Variants in TRIM65 observed in about 807,000 individuals in gnomAD.
TRIM65 encodes the protein tripartite motif containing 65.
TRIM65 carries 46 observed loss-of-function variants against 36.1 expected under a neutral mutation model. The observed-to-expected ratio is 1.27, with a 90% CI of 1.01 to 1.63. The LOEUF (loss-of-function observed/expected upper bound fraction) is 1.63. Ranked by LOEUF, TRIM65 falls within the 40% of genes most tolerant of loss-of-function variation. The pLI is 0.00. For missense variants in TRIM65, 708 were observed against 696.6 expected, an observed-to-expected ratio of 1.02 and a Z score of -0.18; for synonymous variants, 346 against 313.6, an observed-to-expected ratio of 1.10 and a Z score of -1.09.
intron 1 of TRIM65, among the ~76,000 whole-genome samples, chr17:75,894,154 CTG>C (rs1451014501): frequency 6.6e-6 from 1 of 152,110 alleles, no homozygotes; most frequent in Non-Finnish European, 1.5e-5. Context: ...CCAGCCACCT[CTG>C]TCTCAGTCCT....
intron 1 of TRIM65, among the ~76,000 whole-genome samples, chr17:75,894,841 C>T (rs529365713): frequency 8.5e-4 from 129 of 152,316 alleles, no homozygotes; most frequent in African/African-American, 2.3e-3. Context: ...GGCCAGGCTG[C>T]GGGGGGTCCG....
downstream of TRIM65, among the ~76,000 whole-genome samples, chr17:75,887,088 C>T (rs193300118): frequency 9.5e-4 from 142 of 149,180 alleles, no homozygotes; most frequent in Non-Finnish European, 1.4e-3. Flanking sequence ...CACTTGAGCC[C>T]GGGAGGCAGA....
In TRIM65 at chr17:75,896,930, G is replaced by T; in HGVS notation, c.8C>A (p.Ala3Glu). The T allele has an allele frequency of 6.7e-7, 1 of 1,498,782 alleles. No homozygotes were observed. The allele number at this position is 1,498,782 out of a possible 1,614,324, so 92.8% of individuals were successfully genotyped here. A position where few individuals can be genotyped will look rare whatever the true frequency, so the allele number is the denominator to read the frequency against. The change falls in exon 1 of 6, where the codon GCG becomes GAG. Residue 3 changes from alanine to glutamate, a missense_variant. Coordinates refer to ENST00000269383, the MANE Select transcript of TRIM65 (RefSeq NM_173547.4). MA[A>E]QLLEEKLTCA... ...GGTCAGCTTCTCCTCCAGCAGCTGCGCGGCCATGGCCCGGCGGCGGCGAGA... is the reference window on the plus strand; with the variant it reads ...GGTCAGCTTCTCCTCCAGCAGCTGCTCGGCCATGGCCCGGCGGCGGCGAGA...
chr17:75,890,104 A>C lies in TRIM65; in HGVS notation c.*675T>G, dbSNP rs1259474201. Reference sequence around the variant, plus strand: ...TTCAGAAAACACTGTAATCTGAGCTACTCTGGAGGCTGAGGTGGGAGGATC... The same window carrying C: ...TTCAGAAAACACTGTAATCTGAGCTCCTCTGGAGGCTGAGGTGGGAGGATC... On this transcript the variant is annotated 3_prime_UTR_variant, in exon 6 of 6. Transcript: ENST00000269383. The C allele has an allele frequency of 6.6e-6, 1 of 152,152 alleles. No individual in the cohort carries two copies. Among genetic ancestry groups the C allele is most frequent in the Non-Finnish European group, 1.5e-5 (1 of 68,028 alleles). The allele number at this position is 152,152 out of a possible 1,614,324, so 9.4% of individuals were successfully genotyped here. A position where few individuals can be genotyped will look rare whatever the true frequency, so the allele number is the denominator to read the frequency against.
chr17:75,896,447 G>C, intron 1 of TRIM65, 77 bp downstream of exon 1: 1 of 1,262,460 alleles, frequency 7.9e-7, no homozygotes, highest in Non-Finnish European at 1.0e-6. Context: ...AGAGCAGGGC[G>C]CGGCCCGCAG....
downstream of TRIM65, among the ~76,000 whole-genome samples, chr17:75,887,886 T>C (rs1256440591): frequency 6.6e-6 from 1 of 151,902 alleles, no homozygotes; most frequent in Admixed American, 6.6e-5. Context: ...CCGGGCGTGG[T>C]GGCTCACGCC....
intron 1 of TRIM65, 36 bp downstream of exon 1, chr17:75,896,488 G>C (rs2065348119): frequency 7.7e-7 from 1 of 1,298,878 alleles, no homozygotes. Flanking sequence ...GGCTGCGGCG[G>C]GTCCGGACCC....
Position 75,890,071 on chromosome 17 carries a change from C to T in TRIM65, c.*708G>A, listed in dbSNP as rs2065245060. 1 of 152,168 alleles carries T rather than the reference C, an allele frequency of 6.6e-6. No homozygotes were observed. The highest frequency in any genetic ancestry group is 1.5e-5 in the Non-Finnish European group (1 of 68,034). 9.4% of individuals were successfully genotyped at this position (152,168 alleles called of 1,614,324 possible). On this transcript the variant is annotated 3_prime_UTR_variant, in exon 6 of 6. Transcript: ENST00000269383. Reference sequence around the variant, plus strand: ...CATGTGAAAAATGCTTATGTTAAGTCAGGAAACTTCAGAAAACACTGTAAT... The same window carrying T: ...CATGTGAAAAATGCTTATGTTAAGTTAGGAAACTTCAGAAAACACTGTAAT...
Position 75,890,678 on chromosome 17 carries a change from G to C in TRIM65, c.*101C>G. The C allele has an allele frequency of 9.7e-7, 1 of 1,029,942 alleles. No individual in the cohort carries two copies. The highest frequency in any genetic ancestry group is 3.5e-5 in the Admixed American group (1 of 28,328). 63.8% of individuals were successfully genotyped at this position (1,029,942 alleles called of 1,614,324 possible). ...TCCCATCTCTTTCTGAGTTAACAGA[G>C]AGGCCAACAGCTGGTCCTCCAGTCC... is the stretch of plus-strand genomic sequence containing the variant. On this transcript the variant is annotated 3_prime_UTR_variant, in exon 6 of 6. Transcript: ENST00000269383.
chr17:75,884,232 C>T (rs1005681728), downstream of TRIM65, among the ~76,000 whole-genome samples: 7 of 152,030 alleles, frequency 4.6e-5, no homozygotes, highest in Non-Finnish European at 8.8e-5. Flanking sequence ...CCGAGGCGGG[C>T]GGGTCACCTG....
Position 75,896,529 on chromosome 17 carries a change from G to C in TRIM65, c.409C>G (p.Arg137Gly), listed in dbSNP as rs1285032018. The C allele has an allele frequency of 7.4e-6, 10 of 1,343,200 alleles. No homozygotes were observed. Among genetic ancestry groups the C allele is most frequent in the Non-Finnish European group, 6.7e-6 (7 of 1,049,764 alleles). 83.2% of individuals were successfully genotyped at this position (1,343,200 alleles called of 1,614,324 possible). A position where few individuals can be genotyped will look rare whatever the true frequency, so the allele number is the denominator to read the frequency against. ...GCTCCCGGCGGATGCGTCACCTCGC[G>C]CTTGAGGCGCTCGGCATCCAGCAGC... ...RALLDAERLK[R>G]EAQLRASLEV... The change falls in exon 1 of 6, where the codon CGC becomes GGC. Residue 137 changes from arginine (R) to glycine (G), a missense_variant. By Grantham distance (125) the Arg-to-Gly change is moderately radical (BLOSUM62 -2). Transcript: ENST00000269383.
downstream of TRIM65, among the ~76,000 whole-genome samples, chr17:75,886,148 A>G (rs1252459073): frequency 6.6e-6 from 1 of 152,096 alleles, no homozygotes; most frequent in Non-Finnish European, 1.5e-5. Flanking sequence ...CTGCCACCAT[A>G]TGAGACATGC....
At chr17:75,894,857 C>T (rs1413973623) in intron 1 of TRIM65, among the ~76,000 whole-genome samples, 4 of 152,242 alleles carry the variant, frequency 2.6e-5, no homozygotes, top group African/African-American at 9.6e-5. Flanking sequence ...GTCCGGCCCC[C>T]TCCTGCTCCT....
chr17:75,885,420 G>C (rs1258228394), downstream of TRIM65, among the ~76,000 whole-genome samples: 1 of 152,182 alleles, frequency 6.6e-6, no homozygotes, highest in Non-Finnish European at 1.5e-5. Context: ...GGGACCACAG[G>C]TGTGCACCAC....
At chr17:75,888,164 TATAAATAAATAAATAA>T (rs61543613), downstream of TRIM65, among the ~76,000 whole-genome samples, 123 of 137,066 alleles carry the variant, frequency 9.0e-4, no homozygotes, top group African/African-American at 2.9e-3. Flanking sequence ...TCAAAAAATA[TATAAATAAATAAATAA>T]ATAAATAAAT....
chr17:75,895,905 C>T (rs1599465788), intron 1 of TRIM65, among the ~76,000 whole-genome samples: 2 of 152,350 alleles, frequency 1.3e-5, no homozygotes, highest in South Asian at 4.1e-4. Context: ...AGGAGACACA[C>T]GACGGTTCTC....
intron 1 of TRIM65, among the ~76,000 whole-genome samples, chr17:75,894,808 C>A (rs1037494544): frequency 2.0e-5 from 3 of 152,244 alleles, no homozygotes; most frequent in African/African-American, 7.2e-5. Flanking sequence ...GGATTACAGG[C>A]GTGAGCCACT....
rs918980570 is a variant in TRIM65 at position 75,896,856 on chromosome 17, C to T, written c.82G>A (p.Gly28Ser). The T allele has an allele frequency of 3.9e-6, 6 of 1,530,976 alleles. No individual in the cohort carries two copies. In the African/African-American group the frequency reaches 4.2e-5, roughly 11 times the overall value. The allele number at this position is 1,530,976 out of a possible 1,614,324, so 94.8% of individuals were successfully genotyped here. Reference protein sequence around the residue: ...LYQDPVTLPCGHNFCGACIRD... With the variant: ...LYQDPVTLPCSHNFCGACIRD... Reference sequence around the variant, plus strand: ...ATGCAGGCCCCGCAGAAGTTGTGGCCGCAGGGCAGCGTCACTGGGTCCTGG... The same window carrying T: ...ATGCAGGCCCCGCAGAAGTTGTGGCTGCAGGGCAGCGTCACTGGGTCCTGG... The change falls in exon 1 of 6, where the codon GGC becomes AGC. Residue 28 changes from glycine (G) to serine (S), a missense_variant. Transcript: ENST00000269383.
downstream of TRIM65, among the ~76,000 whole-genome samples, chr17:75,887,658 A>G (rs1395065535): frequency 4.0e-5 from 6 of 151,738 alleles, no homozygotes; most frequent in South Asian, 1.2e-3. Context: ...AAAAAAAAAA[A>G]AAAAAAGAAA....
Sources: allele counts gnomAD v4.1 joint callset (sites outside exome capture counted in the v4.1 genomes callset), GRCh38; gene constraint gnomAD v4.1.1; transcripts MANE v1.5; gene names NCBI Gene and HGNC (gene_info 2026-07-23, HGNC 2026-07-21).